MAP4: variants seen among roughly 807,000 people sequenced by gnomAD.
MAP4 encodes microtubule-associated protein 4.
In MAP4, 76 loss-of-function variants were observed where a neutral mutation model predicts 170.2. That is an observed-to-expected ratio of 0.45 (90% CI 0.37 to 0.54). The LOEUF is 0.54. MAP4 is among the 20% of genes least tolerant of loss of function. The pLI is 0.00. For synonymous variants in MAP4, 909 were observed against 994.5 expected, an observed-to-expected ratio of 0.91 and a Z score of 1.62; for missense variants, 2,506 against 2,748.0, an observed-to-expected ratio of 0.91 and a Z score of 1.97.
intron 10 of MAP4, among the ~76,000 whole-genome samples, chr3:47,893,653 T>C (rs2100025237): frequency 6.6e-6 from 1 of 152,214 alleles, no homozygotes; most frequent in African/African-American, 2.4e-5. Context: ...CTGATTTTTC[T>C]TGTCTAGCTG....
chr3:47,917,269 A>G, intron 6 of MAP4, 95 bp from the exon 7 acceptor site: 2 of 960,772 alleles, frequency 2.1e-6, no homozygotes, highest in South Asian at 3.1e-5. Flanking sequence ...GGCTTTTGTG[A>G]CCATAAGACT....
intron 18 of MAP4, among the ~76,000 whole-genome samples, 165 bp downstream of exon 18, chr3:47,857,266 G>A (rs191368288): frequency 7.5e-4 from 114 of 152,308 alleles, no homozygotes; most frequent in Admixed American, 1.2e-3. Flanking sequence ...GTTAGCACCC[G>A]AACTCCTGCT....
intron 10 of MAP4, chr3:47,892,388 CTG>C: frequency 6.5e-7 from 1 of 1,536,200 alleles, no homozygotes; most frequent in Non-Finnish European, 8.7e-7. Flanking sequence ...TCCGGCTTGA[CTG>C]ATTTCTTTTG....
intron 4 of MAP4, among the ~76,000 whole-genome samples, chr3:47,923,587 A>G (rs1009331418): frequency 9.2e-5 from 14 of 151,470 alleles, no homozygotes; most frequent in Non-Finnish European, 1.9e-4. Flanking sequence ...GAGACCGCCC[A>G]TCTTTAAAAA....
chr3:47,932,071 A>C (rs894056020), intron 3 of MAP4, among the ~76,000 whole-genome samples: 11 of 152,154 alleles, frequency 7.2e-5, no homozygotes, highest in Middle Eastern at 3.2e-3. Flanking sequence ...AAGAAATCCC[A>C]TATCTTTTCT....
At chr3:48,069,314 G>A (rs1195218201) in intron 1 of MAP4, among the ~76,000 whole-genome samples, 2 of 152,048 alleles carry the variant, frequency 1.3e-5, no homozygotes, top group African/African-American at 4.8e-5. Context: ...GCATTCTGAA[G>A]GTCACCCATC....
At chr3:47,886,729 C>T (rs1257789608) in intron 10 of MAP4, among the ~76,000 whole-genome samples, 1 of 152,234 alleles carries the variant, frequency 6.6e-6, no homozygotes, top group African/African-American at 2.4e-5. Context: ...ATTACCTATA[C>T]TACCACTGGC....
intron 1 of MAP4, among the ~76,000 whole-genome samples, chr3:48,084,208 C>CAA (rs758278974): frequency 1.2e-4 from 10 of 80,170 alleles, no homozygotes; most frequent in African/African-American, 2.8e-4. Flanking sequence ...GACTCAGTCT[C>CAA]AAAAAAAAAA....
Position 47,882,726 on chromosome 3 carries a change from C to T in MAP4, c.5435-5203G>A, listed in dbSNP as rs189058060. Among the ~76,000 whole-genome samples, 464 of 152,120 alleles carry T rather than the reference C, an allele frequency of 3.1e-3. 1 individual carries two copies. The highest frequency in any genetic ancestry group is 5.1e-3 in the Non-Finnish European group (349 of 67,980). ...AGTAGCTGGGACTACAGATGCACAC[C>T]GCCACACCCAGCTATGTTTTACTAC... is the stretch of plus-strand genomic sequence containing the variant. On this transcript the variant is annotated intron_variant, in intron 10 of 20. Coordinates refer to ENST00000683076, the MANE Select transcript of MAP4 (RefSeq NM_001385682.1).
chr3:47,854,396 T>TG (rs2149709825), intron 19 of MAP4, among the ~76,000 whole-genome samples: 1 of 152,110 alleles, frequency 6.6e-6, no homozygotes, highest in African/African-American at 2.4e-5. Flanking sequence ...CAGGAGAGGA[T>TG]GGGACAGGGG....
intron 3 of MAP4, among the ~76,000 whole-genome samples, chr3:47,972,022 C>T (rs2100079050): frequency 6.6e-6 from 1 of 152,220 alleles, no homozygotes; most frequent in South Asian, 2.1e-4. Flanking sequence ...GTGCTTTAAA[C>T]CTGAGAACAG....
At chr3:48,025,493 C>T (rs987338151) in intron 1 of MAP4, among the ~76,000 whole-genome samples, 18 of 151,590 alleles carry the variant, frequency 1.2e-4, no homozygotes, top group African/African-American at 3.6e-4. Context: ...TTCACCACAC[C>T]GGGCAGGCTG....
At chr3:47,954,169 A>C (rs1485293501) in intron 3 of MAP4, among the ~76,000 whole-genome samples, 1 of 152,172 alleles carries the variant, frequency 6.6e-6, no homozygotes. Flanking sequence ...AAAGGGCCAC[A>C]GATAAACATT....
In MAP4 at chr3:47,855,765, G is replaced by A. The variant is rs2054669421; in HGVS notation, c.6584-405C>T. On this transcript the variant is annotated intron_variant, in intron 18 of 20. Coordinates refer to ENST00000683076, the MANE Select transcript of MAP4 (RefSeq NM_001385682.1). This position sits in a 1 kb window ranked among gnomAD's most constrained non-coding sequence, Gnocchi z 5.1. The stretch of plus-strand genomic sequence containing the variant: ...AGGCACAGCCTCACTGAATTCTCAT[G>A]AATGCCCTGTCATCACGGCCACGGT... Among the ~76,000 whole-genome samples the A allele has an allele frequency of 6.6e-6, 1 of 152,176 alleles. No homozygotes were observed. Among genetic ancestry groups the A allele is most frequent in the Admixed American group, 6.5e-5 (1 of 15,280 alleles).
intron 17 of MAP4, among the ~76,000 whole-genome samples, chr3:47,866,210 G>T (rs950281651): frequency 2.6e-5 from 4 of 151,272 alleles, no homozygotes; most frequent in Non-Finnish European, 5.9e-5. Context: ...GGTGGCGCAT[G>T]CCTGTAGCCC....
chr3:47,917,140 T>C lies in MAP4; in HGVS notation c.687A>G (p.Ala229=). 1 of 1,613,934 alleles carries C rather than the reference T, an allele frequency of 6.2e-7. No homozygotes were observed. The highest frequency in any genetic ancestry group is 8.5e-7 in the Non-Finnish European group (1 of 1,179,804). The change falls in exon 7 of 21, where the codon GCA becomes GCG. Residue 229 remains alanine, a synonymous_variant. Transcript: ENST00000683076. ...PLELAKEIEM[A]SEERPPAQAL... is the part of the protein sequence containing the mutation. ...CTTGTGCTGGTGGCCTCTCTTCTGA[T>C]GCCATTTCTATCTCCTTGGCTAGCT...
intron 1 of MAP4, among the ~76,000 whole-genome samples, chr3:48,009,127 G>T (rs1365027652): frequency 1.3e-5 from 2 of 152,090 alleles, no homozygotes; most frequent in Non-Finnish European, 2.9e-5. Flanking sequence ...TTGAGAAGGG[G>T]TCTCACTCTG....
rs776141896 is a variant in MAP4 at position 47,909,608 on chromosome 3, G to A, written c.4813C>T (p.His1605Tyr). ...GTCTCTTTCTCTTCATTCACTGGAT[G>A]TGCTGGGAAATTACCTCTATCTGCA... ...GYADRGNFPA[H>Y]PVNEEKETKE... Residue 1605 changes from histidine to tyrosine, a missense_variant, in exon 9 of 21, where the codon CAT becomes TAT. By Grantham distance (83) the His-to-Tyr change is moderately conservative. Around this residue, in one of 3 missense-constraint regions of MAP4, gnomAD observed 2,008 missense variants for 2,206.0 expected, o/e 0.91. Coordinates refer to ENST00000683076, the MANE Select transcript of MAP4 (RefSeq NM_001385682.1). 3 of 1,613,366 alleles carry A rather than the reference G, an allele frequency of 1.9e-6. No homozygotes were observed. Among genetic ancestry groups the A allele is most frequent in the African/African-American group, 2.7e-5 (2 of 74,924 alleles).
At position 47,910,836 on chromosome 3, in the gene MAP4, T is replaced by A; in HGVS notation, c.3585A>T (p.Pro1195=). The change falls in exon 9 of 21, where the codon CCA becomes CCT. Residue 1195 remains proline, a synonymous_variant. Coordinates refer to ENST00000683076, the MANE Select transcript of MAP4 (RefSeq NM_001385682.1). ...VNNQSKEGRC[P]WKDHEAAPWI... ...AGGGAGCTGCCTCATGATCCTTCCA[T>A]GGACACCTTCCTTCCTTGCTCTGGT... The A allele has an allele frequency of 1.3e-6, 2 of 1,536,150 alleles. No homozygotes were observed. The highest frequency in any genetic ancestry group is 1.7e-6 in the Non-Finnish European group (2 of 1,146,904).
Sources: gnomAD v4.1 joint callset for allele counts (sites outside exome capture counted in the v4.1 genomes callset) on GRCh38, gnomAD v4.1.1 for gene constraint, gnomAD v4.1.1 regional missense constraint, Gnocchi (gnomAD v3.1) non-coding constraint, MANE v1.5 for transcripts, NCBI Gene and HGNC (gene_info 2026-07-23, HGNC 2026-07-21) for gene names.